PPTC7: variants seen among roughly 807,000 people sequenced by gnomAD.
PPTC7 encodes the protein protein phosphatase targeting COQ7.
PPTC7 carries 6 observed loss-of-function variants against 30.8 expected under a neutral mutation model. That is an observed-to-expected ratio of 0.19 (90% CI 0.11 to 0.38). PPTC7 has a LOEUF of 0.38. Ranked by LOEUF, PPTC7 falls within the 10% of genes least tolerant of loss-of-function variation. The pLI, the probability that PPTC7 is intolerant of heterozygous loss-of-function variation, is 1.00. For synonymous variants in PPTC7, 163 were observed against 168.1 expected (o/e 0.97, Z 0.23); for missense variants, 218 against 404.8 (o/e 0.54, Z 3.96).
chr12:110,582,887 T>C lies in PPTC7; in HGVS notation c.145A>G (p.Lys49Glu). The C allele has an allele frequency of 6.4e-7, 1 of 1,554,642 alleles. No individual in the cohort carries two copies. Among genetic ancestry groups the C allele is most frequent in the Non-Finnish European group, 8.7e-7 (1 of 1,149,408 alleles). Residue 49 changes from lysine (K) to glutamate (E), a missense_variant, in exon 1 of 6, where the codon AAG becomes GAG. Coordinates refer to ENST00000354300, the MANE Select transcript of PPTC7 (RefSeq NM_139283.2). ...AGCGFGKDFR[K>E]GLLKKGACYG... ...CACGCGCCCTTCTTGAGGAGGCCCTTACGGAAGTCCTTCCCGAAGCCGCAG... is the reference window on the plus strand; with the variant it reads ...CACGCGCCCTTCTTGAGGAGGCCCTCACGGAAGTCCTTCCCGAAGCCGCAG...
intron 1 of PPTC7, among the ~76,000 whole-genome samples, chr12:110,579,381 C>T (rs1467828615): frequency 1.3e-5 from 2 of 152,206 alleles, no homozygotes; most frequent in African/African-American, 4.8e-5. Flanking sequence ...TGATCTTTGT[C>T]AAACATGGCT....
At chr12:110,582,315 G>C (rs781447042) in intron 1 of PPTC7, among the ~76,000 whole-genome samples, 1 of 152,232 alleles carries the variant, frequency 6.6e-6, no homozygotes, top group Non-Finnish European at 1.5e-5. Flanking sequence ...GGCGGCGAAA[G>C]AATACGGCCG....
intron 4 of PPTC7, among the ~76,000 whole-genome samples, chr12:110,539,171 T>G (rs1265684074): frequency 6.6e-6 from 1 of 152,138 alleles, no homozygotes; most frequent in Non-Finnish European, 1.5e-5. Flanking sequence ...AAAGAGGATC[T>G]TTAGGATGCC....
chr12:110,581,217 C>T (rs906143784), intron 1 of PPTC7, among the ~76,000 whole-genome samples: 5 of 152,080 alleles, frequency 3.3e-5, no homozygotes, highest in African/African-American at 1.2e-4. Flanking sequence ...AGTTCGAGAC[C>T]GGCCTGGCCA....
At position 110,549,718 on chromosome 12, in the gene PPTC7, G is replaced by A. The variant is rs2064336498; in HGVS notation, c.403+2071C>T. On this transcript the variant is annotated intron_variant, in intron 2 of 5. Coordinates refer to ENST00000354300, the MANE Select transcript of PPTC7 (RefSeq NM_139283.2). ...AAGTAGGAATAGGAAAAAGAAAAAG[G>A]CACAGCAAAAACCAAAGCTTCTAAA... Among the ~76,000 whole-genome samples, 6 of 152,252 alleles carry A rather than the reference G, an allele frequency of 3.9e-5. 1 individual carries two copies. In the South Asian group the frequency reaches 1.0e-3, roughly 26 times the overall value.
intron 1 of PPTC7, among the ~76,000 whole-genome samples, chr12:110,570,038 T>C (rs959821294): frequency 2.6e-5 from 4 of 152,196 alleles, no homozygotes; most frequent in African/African-American, 9.7e-5. Context: ...AATTAGTATT[T>C]GTGGGGAAAA....
intron 1 of PPTC7, among the ~76,000 whole-genome samples, chr12:110,564,790 T>A (rs1342379923): frequency 1.7e-5 from 2 of 120,100 alleles, no homozygotes; most frequent in Admixed American, 1.5e-4. Flanking sequence ...ACATACACGT[T>A]ATATATATAT....
intron 3 of PPTC7, among the ~76,000 whole-genome samples, chr12:110,540,740 G>A (rs1424393359): frequency 6.6e-6 from 1 of 151,738 alleles, no homozygotes; most frequent in East Asian, 2.0e-4. Flanking sequence ...CCATAGTGAG[G>A]GTGGGATGAT....
Position 110,551,646 on chromosome 12 carries a change from G to A in PPTC7, c.403+143C>T, listed in dbSNP as rs374483352. On this transcript the variant is annotated intron_variant, in intron 2 of 5. Coordinates refer to ENST00000354300, the MANE Select transcript of PPTC7 (RefSeq NM_139283.2). ...ACAGGCGTGAGCCACTGCGCCCAGC[G>A]GTTAGCCTATAGTTTCTCTATCACA... 2.1e-5 allele frequency: 16 copies of A among 745,382 alleles called. 1 individual carries two copies. The highest frequency in any genetic ancestry group is 2.0e-4 in the South Asian group (10 of 51,014). 46.2% of individuals were successfully genotyped at this position (745,382 alleles called of 1,614,324 possible). A position where few individuals can be genotyped will look rare whatever the true frequency, so the allele number is the denominator to read the frequency against.
intron 1 of PPTC7, among the ~76,000 whole-genome samples, chr12:110,577,300 A>T (rs984634295): frequency 1.4e-5 from 2 of 147,088 alleles, no homozygotes; most frequent in African/African-American, 2.5e-5. Flanking sequence ...AAGTAAAATT[A>T]AAAAAAAAAA....
At chr12:110,562,410 T>C (rs1314307789) in intron 1 of PPTC7, among the ~76,000 whole-genome samples, 1 of 151,384 alleles carries the variant, frequency 6.6e-6, no homozygotes, top group African/African-American at 2.4e-5. Context: ...GCTTTTTGAC[T>C]AACAACAGTC....
intron 3 of PPTC7, among the ~76,000 whole-genome samples, chr12:110,540,854 C>T (rs541066549): frequency 1.3e-3 from 204 of 151,510 alleles, no homozygotes; most frequent in Non-Finnish European, 2.1e-3. Context: ...CGGCTCACTG[C>T]GAGCTCCGCT....
chr12:110,555,000 A>T (rs187331116), intron 1 of PPTC7, among the ~76,000 whole-genome samples: 12 of 152,302 alleles, frequency 7.9e-5, no homozygotes, highest in Admixed American at 2.6e-4. Flanking sequence ...AAACTTTCTG[A>T]GCATGAAACA....
At chr12:110,552,735 G>C (rs1451702310) in intron 1 of PPTC7, among the ~76,000 whole-genome samples, 1 of 152,090 alleles carries the variant, frequency 6.6e-6, no homozygotes, top group Non-Finnish European at 1.5e-5. Flanking sequence ...GTGGTGGCAG[G>C]CGCCTGTAGT....
intron 1 of PPTC7, among the ~76,000 whole-genome samples, chr12:110,571,075 G>A (rs561816383): frequency 2.0e-5 from 3 of 152,236 alleles, no homozygotes; most frequent in East Asian, 1.9e-4. Context: ...AGGACAAGTC[G>A]ACGAGAGATC....
chr12:110,547,485 A>T (rs2064316900), intron 2 of PPTC7, among the ~76,000 whole-genome samples: 1 of 152,238 alleles, frequency 6.6e-6, no homozygotes, highest in African/African-American at 2.4e-5. Context: ...TTTTATAGCC[A>T]TTAAGATTAT....
At chr12:110,580,483 C>A (rs943378438) in intron 1 of PPTC7, among the ~76,000 whole-genome samples, 2 of 152,192 alleles carry the variant, frequency 1.3e-5, no homozygotes, top group East Asian at 3.9e-4. Flanking sequence ...GGACTACAGG[C>A]GTGTGCCACC....
intron 2 of PPTC7, chr12:110,546,313 G>T: frequency 5.8e-6 from 3 of 514,754 alleles, no homozygotes; most frequent in East Asian, 3.2e-5. Flanking sequence ...GGCCACAGAT[G>T]ATCTGAATTC....
intron 1 of PPTC7, among the ~76,000 whole-genome samples, chr12:110,566,673 C>A (rs1262619324): frequency 1.3e-5 from 2 of 152,162 alleles, no homozygotes; most frequent in East Asian, 3.9e-4. Flanking sequence ...AAAAAAGAGT[C>A]TTTGACCCAT....
Sources: allele counts gnomAD v4.1 joint callset (sites outside exome capture counted in the v4.1 genomes callset), GRCh38; gene constraint gnomAD v4.1.1; transcripts MANE v1.5; gene names NCBI Gene and HGNC (gene_info 2026-07-23, HGNC 2026-07-21).